Variants in SPECC1 observed in about 807,000 individuals in gnomAD.
The protein encoded by SPECC1 is cytospin-B.
Under a neutral mutation model 104.1 loss-of-function variants are expected in SPECC1, and 62 were observed. The ratio of observed to expected loss-of-function variants is 0.60; its 90% CI spans 0.49 to 0.74. The LOEUF is 0.74. Ranked by LOEUF, SPECC1 falls within the 30% of genes least tolerant of loss-of-function variation. The pLI, the probability that SPECC1 is intolerant of heterozygous loss-of-function variation, is 0.00. For missense variants in SPECC1, 1,306 were observed against 1,310.5 expected, an observed-to-expected ratio of 1.00 and a Z score of 0.05; for synonymous variants, 513 against 501.6, an observed-to-expected ratio of 1.02 and a Z score of -0.30.
chr17:20,176,125 G>A (rs2034456188), intron 3 of SPECC1, among the ~76,000 whole-genome samples: 1 of 152,170 alleles, frequency 6.6e-6, no homozygotes, highest in Non-Finnish European at 1.5e-5. Flanking sequence ...AGGATCGCAG[G>A]CTAGTTTCTT....
chr17:20,277,858 T>C (rs2040625927), intron 12 of SPECC1, among the ~76,000 whole-genome samples: 1 of 152,234 alleles, frequency 6.6e-6, no homozygotes, highest in South Asian at 2.1e-4. Context: ...CTGATTTCAC[T>C]CAGCACAGCG....
At chr17:20,086,022 A>G (rs1373282131) in intron 1 of SPECC1, among the ~76,000 whole-genome samples, 1 of 152,140 alleles carries the variant, frequency 6.6e-6, no homozygotes, top group African/African-American at 2.4e-5. Flanking sequence ...GAATAGGCCT[A>G]GCTAATGTGC....
chr17:20,205,351 G>T lies in SPECC1; in HGVS notation c.1302G>T (p.Glu434Asp). The change falls in exon 4 of 15, where the codon GAG becomes GAT. Residue 434 changes from glutamate (E) to aspartate (D), a missense_variant. Physicochemically the swap from Glu to Asp is conservative, Grantham distance 45. This residue lies in a region of SPECC1 where 1,177 missense variants were observed against 1,139.9 expected (regional missense o/e 1.03). Coordinates refer to ENST00000395527, the MANE Select transcript of SPECC1 (RefSeq NM_001243439.2). ...TSFHQHRERA[E>D]QLSQENEKLM... The stretch of plus-strand genomic sequence containing the variant: ...TTCATCAGCATCGAGAGAGGGCAGA[G>T]CAGCTAAGTCAAGAAAATGAGAAGC... 1 of 1,613,962 alleles carries T rather than the reference G, an allele frequency of 6.2e-7. No homozygotes were observed.
intron 4 of SPECC1, among the ~76,000 whole-genome samples, chr17:20,214,918 C>G (rs1427529715): frequency 6.6e-6 from 1 of 152,250 alleles, no homozygotes; most frequent in Non-Finnish European, 1.5e-5. Flanking sequence ...ATTCATAGAT[C>G]TCCAGCTTGT....
intron 1 of SPECC1, chr17:20,017,138 C>G (rs894650601): frequency 2.0e-5 from 3 of 152,268 alleles, no homozygotes; most frequent in African/African-American, 7.2e-5. Context: ...CTGCCCGAGC[C>G]AAGAGTGGTA....
intron 1 of SPECC1, among the ~76,000 whole-genome samples, chr17:20,078,038 G>A (rs2046828814): frequency 6.6e-6 from 1 of 151,634 alleles, no homozygotes. Context: ...AGTATTTGAA[G>A]CATATATAGA....
intron 3 of SPECC1, among the ~76,000 whole-genome samples, chr17:20,142,256 TACAA>T (rs1286439461): frequency 3.3e-5 from 5 of 152,124 alleles, no homozygotes; most frequent in Non-Finnish European, 7.3e-5. Flanking sequence ...GCTTAAAGAG[TACAA>T]ACAAAGTAAT....
intron 4 of SPECC1, among the ~76,000 whole-genome samples, chr17:20,210,205 T>G (rs1278006587): frequency 6.6e-6 from 1 of 152,226 alleles, no homozygotes; most frequent in Admixed American, 6.5e-5. Context: ...TTAAGAGATC[T>G]GGAAACCTGG....
chr17:20,250,532 A>G (rs553626904), intron 9 of SPECC1, among the ~76,000 whole-genome samples: 14 of 152,334 alleles, frequency 9.2e-5, no homozygotes, highest in Non-Finnish European at 1.9e-4. Flanking sequence ...AAAATCTTAG[A>G]AAAATGTAAC....
intron 5 of SPECC1, among the ~76,000 whole-genome samples, chr17:20,228,600 A>G (rs546054020): frequency 1.4e-4 from 22 of 152,332 alleles, no homozygotes; most frequent in Non-Finnish European, 2.8e-4. Context: ...GATGATAGGT[A>G]TCAGAGTGGA....
Position 20,217,430 on chromosome 17 carries a change from A to G in SPECC1, c.1864-9983A>G, listed in dbSNP as rs529519081. ...CCCCATGCCGAGTTACCTAGCTTGT[A>G]ACTTGGCGCAGAGCCTTTGAGGGAC... On this transcript the variant is annotated intron_variant, in intron 4 of 14. Transcript: ENST00000395527. Among the ~76,000 whole-genome samples, 337 of 152,250 alleles carry G rather than the reference A, an allele frequency of 2.2e-3. 2 individuals carry two copies. The highest frequency in any genetic ancestry group is 2.9e-3 in the South Asian group (14 of 4,818).
At chr17:20,076,455 C>T (rs914040360) in intron 1 of SPECC1, among the ~76,000 whole-genome samples, 2 of 152,208 alleles carry the variant, frequency 1.3e-5, no homozygotes, top group African/African-American at 4.8e-5. Flanking sequence ...CTGCCTTGGC[C>T]TCCTAAAGTG....
chr17:20,203,202 C>G (rs1230866945), intron 3 of SPECC1, among the ~76,000 whole-genome samples: 1 of 150,912 alleles, frequency 6.6e-6, no homozygotes, highest in East Asian at 2.0e-4. Context: ...CCCTTCATTA[C>G]ACCTCTCACT....
chr17:20,156,126 C>T, intron 3 of SPECC1: 3 of 1,384,022 alleles, frequency 2.2e-6, no homozygotes, highest in Non-Finnish European at 1.9e-6. Flanking sequence ...CAGCCGGAGC[C>T]AGCGCGAGCT....
intron 3 of SPECC1, among the ~76,000 whole-genome samples, chr17:20,143,478 G>A (rs1037082489): frequency 3.3e-5 from 5 of 151,732 alleles, no homozygotes; most frequent in South Asian, 2.1e-4. Flanking sequence ...GAGGTCAGGG[G>A]TTTGAAACCA....
chr17:20,043,892 G>A (rs892575732), intron 1 of SPECC1, among the ~76,000 whole-genome samples: 1 of 152,166 alleles, frequency 6.6e-6, no homozygotes, highest in Admixed American at 6.5e-5. Flanking sequence ...AGTTAGGGAG[G>A]TAGAGCTTCA....
chr17:20,227,328 TG>T, intron 4 of SPECC1, 84 bp from the exon 5 acceptor site: 1 of 1,134,590 alleles, frequency 8.8e-7, no homozygotes, highest in Non-Finnish European at 1.3e-6. Context: ...TATTGCATCA[TG>T]GTGGGGCTTG....
At chr17:20,253,247 G>T (rs947220225) in intron 9 of SPECC1, among the ~76,000 whole-genome samples, 2 of 152,100 alleles carry the variant, frequency 1.3e-5, no homozygotes, top group African/African-American at 4.8e-5. Flanking sequence ...AATAATGATT[G>T]CCCTTGGAGA....
At chr17:20,176,150 T>G (rs2034458497) in intron 3 of SPECC1, among the ~76,000 whole-genome samples, 2 of 152,326 alleles carry the variant, frequency 1.3e-5, no homozygotes, top group South Asian at 4.1e-4. Flanking sequence ...GCTTGCTACA[T>G]TCCCCTCCTG....
Sources: allele counts gnomAD v4.1 joint callset (sites outside exome capture counted in the v4.1 genomes callset), GRCh38; gene constraint gnomAD v4.1.1; regional missense constraint gnomAD v4.1.1; transcripts MANE v1.5; gene names NCBI Gene and HGNC (gene_info 2026-07-23, HGNC 2026-07-21).